DZIP1L: variants seen among roughly 807,000 people sequenced by gnomAD.
DZIP1L encodes the protein DAZ interacting zinc finger protein 1 like.
DZIP1L carries 90 observed loss-of-function variants against 88.7 expected under a neutral mutation model. The observed-to-expected ratio is 1.02, with a 90% CI of 0.86 to 1.21. DZIP1L has a LOEUF of 1.21. Among genes scored for constraint, DZIP1L ranks in the 50% most tolerant of loss-of-function variants. The pLI, the probability that DZIP1L is intolerant of heterozygous loss-of-function variation, is 0.00. For synonymous variants in DZIP1L, 363 were observed against 372.1 expected, an observed-to-expected ratio of 0.98 and a Z score of 0.28; for missense variants, 932 against 955.8, an observed-to-expected ratio of 0.98 and a Z score of 0.33.
rs1559861359 is a variant in DZIP1L at position 138,103,740 on chromosome 3, G to A, written c.232C>T (p.Pro78Ser). 1 of 1,613,802 alleles carries A rather than the reference G, an allele frequency of 6.2e-7. No individual in the cohort carries two copies. The highest frequency in any genetic ancestry group is 8.5e-7 in the Non-Finnish European group (1 of 1,180,040). The change falls in exon 2 of 16, where the codon CCT becomes TCT. Residue 78 changes from proline to serine, a missense_variant. Pro to Ser is a moderately conservative substitution (Grantham distance 74). Coordinates refer to ENST00000327532, the MANE Select transcript of DZIP1L (RefSeq NM_173543.3). ...DREVCSRCGQ[P>S]VDPALLKVLR... ...ACCTTGAGCAGTGCCGGGTCCACAG[G>A]CTGCCCACAGCGGCTGCACACCTCC...
chr3:138,070,647 G>A (rs1049445623), intron 12 of DZIP1L, among the ~76,000 whole-genome samples: 8 of 152,220 alleles, frequency 5.3e-5, no homozygotes, highest in African/African-American at 1.9e-4. Flanking sequence ...ATTGGTTGAT[G>A]TAGCAACTAA....
At chr3:138,092,688 T>A (rs1944294891) in intron 4 of DZIP1L, 144 bp from the exon 5 acceptor site, 1 of 767,074 alleles carries the variant, frequency 1.3e-6, no homozygotes, top group Admixed American at 3.8e-5. Context: ...TTGTTTGGAC[T>A]TGGGAGGACC....
chr3:138,068,244 T>G lies in DZIP1L; in HGVS notation c.1739A>C (p.His580Pro). 2.5e-6 allele frequency: 4 copies of G among 1,591,646 alleles called. No individual in the cohort carries two copies. Among genetic ancestry groups the G allele is most frequent in the Non-Finnish European group, 3.4e-6 (4 of 1,167,508 alleles). The change falls in exon 13 of 16, where the codon CAT (histidine) becomes CCT (proline). Residue 580 changes from histidine (H) to proline (P), a missense_variant. Physicochemically the swap from His to Pro is moderately conservative, Grantham distance 77. Coordinates refer to ENST00000327532, the MANE Select transcript of DZIP1L (RefSeq NM_173543.3). ...GGACACCTGGGTCAGGCTGGAGCCA[T>G]GGCTGCCATGGCTCTGACGAGTTGG... ...PPPTRQSHGS[H>P]GSSLTQVSAP...
chr3:138,089,129 T>C (rs1295510301), intron 5 of DZIP1L: 35 of 985,364 alleles, frequency 3.6e-5, no homozygotes, highest in Non-Finnish European at 4.0e-5. Context: ...TCTGTATGAC[T>C]GTATAAAACT....
At chr3:138,097,740 C>G (rs1420566440) in intron 3 of DZIP1L, 23 bp downstream of exon 3, 8 of 1,595,526 alleles carry the variant, frequency 5.0e-6, no homozygotes, top group Non-Finnish European at 6.8e-6. Context: ...CCAGAAGGGG[C>G]CCGGGCTGCT....
chr3:138,100,089 C>G (rs1944663121), intron 2 of DZIP1L, among the ~76,000 whole-genome samples: 2 of 151,282 alleles, frequency 1.3e-5, no homozygotes, highest in Admixed American at 6.6e-5. Flanking sequence ...CTCAGGTAAT[C>G]CCCCCAGGAT....
intron 14 of DZIP1L, among the ~76,000 whole-genome samples, chr3:138,065,580 C>A (rs997143718): frequency 1.3e-5 from 2 of 152,240 alleles, no homozygotes; most frequent in African/African-American, 4.8e-5. Context: ...CCTTGCCACC[C>A]TATTGCCCTT....
intron 5 of DZIP1L, among the ~76,000 whole-genome samples, chr3:138,090,411 G>T (rs1361438681): frequency 6.6e-6 from 1 of 152,172 alleles, no homozygotes; most frequent in Admixed American, 6.5e-5. Flanking sequence ...TGGGGGTCAG[G>T]AGATGTTTGC....
chr3:138,071,407 C>G (rs868335729), intron 12 of DZIP1L, among the ~76,000 whole-genome samples: 2 of 152,222 alleles, frequency 1.3e-5, no homozygotes, highest in Admixed American at 6.5e-5. Flanking sequence ...AGCTCCGGCT[C>G]TCCTCCAACT....
At chr3:138,110,422 G>A (rs916621603) in intron 1 of DZIP1L, among the ~76,000 whole-genome samples, 3 of 152,000 alleles carry the variant, frequency 2.0e-5, no homozygotes, top group Non-Finnish European at 4.4e-5. Flanking sequence ...TGCACGTTGT[G>A]CACAGGTACC....
intron 2 of DZIP1L, among the ~76,000 whole-genome samples, chr3:138,099,974 G>C (rs1944653661): frequency 1.3e-5 from 2 of 151,984 alleles, no homozygotes; most frequent in African/African-American, 2.4e-5. Flanking sequence ...AAGGACTGTT[G>C]GCTGGGCACC....
At chr3:138,098,920 C>T (rs1016581746) in intron 2 of DZIP1L, among the ~76,000 whole-genome samples, 4 of 151,922 alleles carry the variant, frequency 2.6e-5, no homozygotes, top group South Asian at 2.1e-4. Flanking sequence ...CTGAGGTGGG[C>T]GGATCACTTG....
intron 7 of DZIP1L, among the ~76,000 whole-genome samples, chr3:138,084,738 C>T (rs955849920): frequency 2.0e-5 from 3 of 152,186 alleles, no homozygotes; most frequent in Admixed American, 6.5e-5. Context: ...TGAGACTCTA[C>T]TCAGTGTATC....
At chr3:138,087,568 T>C (rs1211894443) in intron 6 of DZIP1L, among the ~76,000 whole-genome samples, 1 of 152,104 alleles carries the variant, frequency 6.6e-6, no homozygotes, top group Non-Finnish European at 1.5e-5. Flanking sequence ...CACAAATTGA[T>C]AGGGGAAACA....
intron 2 of DZIP1L, among the ~76,000 whole-genome samples, chr3:138,098,841 T>A (rs1045413373): frequency 6.6e-6 from 1 of 152,218 alleles, no homozygotes; most frequent in African/African-American, 2.4e-5. Flanking sequence ...CCCACTGTGA[T>A]ATTGTGATAC....
chr3:138,095,005 A>T, intron 3 of DZIP1L, 22 bp from the exon 4 acceptor site: 1 of 1,613,986 alleles, frequency 6.2e-7, no homozygotes, highest in Non-Finnish European at 8.5e-7. Context: ...ACGCAAAGAC[A>T]GGTGACCAGT....
chr3:138,100,364 C>T (rs1472331490), intron 2 of DZIP1L, among the ~76,000 whole-genome samples: 2 of 152,216 alleles, frequency 1.3e-5, no homozygotes, highest in African/African-American at 4.8e-5. Context: ...ATACCTTGTC[C>T]TCTCTTGTCC....
Position 138,092,524 on chromosome 3 carries a change from C to T in DZIP1L, c.729G>A (p.Gln243=). 1 of 1,593,078 alleles carries T rather than the reference C, an allele frequency of 6.3e-7. No individual in the cohort carries two copies. Among genetic ancestry groups the T allele is most frequent in the Non-Finnish European group, 8.5e-7 (1 of 1,174,000 alleles). Residue 243 remains glutamine (Q), a synonymous_variant, in exon 5 of 16, where the codon CAG becomes CAA. Coordinates refer to ENST00000327532, the MANE Select transcript of DZIP1L (RefSeq NM_173543.3). ...RQLQEAELIH[Q]REIEAKKEFD... The stretch of plus-strand genomic sequence containing the variant: ...ATTCTTTCTTAGCTTCTATTTCCCT[C>T]TGATGAATGAGCTCTGCTTCCTAAA...
chr3:138,108,315 T>C (rs1346711708), intron 1 of DZIP1L: 3 of 703,100 alleles, frequency 4.3e-6, no homozygotes, highest in Non-Finnish European at 5.2e-6. Flanking sequence ...ATAAGACACC[T>C]GCTTCCTGAT....
Sources: gnomAD v4.1 joint callset for allele counts (sites outside exome capture counted in the v4.1 genomes callset) on GRCh38, gnomAD v4.1.1 for gene constraint, MANE v1.5 for transcripts, NCBI Gene and HGNC (gene_info 2026-07-23, HGNC 2026-07-21) for gene names.